MACROD2: variants seen among roughly 807,000 people sequenced by gnomAD.
MACROD2 encodes the protein mono-ADP ribosylhydrolase 2, also known as ADP-ribose glycohydrolase MACROD2.
MACROD2 carries 36 observed loss-of-function variants against 70.4 expected under a neutral mutation model. The observed-to-expected ratio is 0.51, with a 90% CI of 0.39 to 0.68. The LOEUF (loss-of-function observed/expected upper bound fraction) is 0.68, where lower values mean the gene tolerates loss of function less well. Ranked by LOEUF, MACROD2 falls within the 30% of genes least tolerant of loss-of-function variation. The probability of loss-of-function intolerance (pLI) is 0.00; values close to 1 mark genes in which losing one functional copy is unlikely to be tolerated. For missense variants in MACROD2, 496 were observed against 538.4 expected (o/e 0.92, Z 0.78); for synonymous variants, 172 against 178.8 (o/e 0.96, Z 0.30).
At chr20:15,556,089 C>T (rs2146596820) in intron 8 of MACROD2, among the ~76,000 whole-genome samples, 1 of 152,214 alleles carries the variant, frequency 6.6e-6, no homozygotes, top group East Asian at 1.9e-4. Flanking sequence ...CTCAGTAAAG[C>T]AGAGAGGCTT....
chr20:15,471,347 C>A (rs139197979), intron 7 of MACROD2, among the ~76,000 whole-genome samples: 1 of 152,304 alleles, frequency 6.6e-6, no homozygotes, highest in East Asian at 1.9e-4. Flanking sequence ...CTGCTCCACT[C>A]AAGGAATGGC....
chr20:14,632,342 A>C (rs1984559213), intron 4 of MACROD2, among the ~76,000 whole-genome samples: 1 of 152,222 alleles, frequency 6.6e-6, no homozygotes, highest in Admixed American at 6.5e-5. Flanking sequence ...TACAATATGA[A>C]AACCTGTTTT....
chr20:15,565,347 TG>T, intron 8 of MACROD2, among the ~76,000 whole-genome samples: 1 of 152,222 alleles, frequency 6.6e-6, no homozygotes, highest in East Asian at 1.9e-4. Flanking sequence ...TTTATAAACA[TG>T]GCTGTAACCA....
intron 8 of MACROD2, among the ~76,000 whole-genome samples, chr20:15,588,646 A>G (rs1297469052): frequency 6.6e-6 from 1 of 152,114 alleles, no homozygotes; most frequent in Non-Finnish European, 1.5e-5. Context: ...ATCTTTCTCA[A>G]GTTCAAAGTA....
chr20:14,437,781 T>C (rs1383706062), intron 3 of MACROD2, among the ~76,000 whole-genome samples: 2 of 152,194 alleles, frequency 1.3e-5, no homozygotes, highest in African/African-American at 4.8e-5. Flanking sequence ...ACATTTTCAG[T>C]AAAAATTGTT....
intron 3 of MACROD2, among the ~76,000 whole-genome samples, chr20:14,459,787 A>G (rs2084346562): frequency 6.6e-6 from 1 of 152,122 alleles, no homozygotes; most frequent in Non-Finnish European, 1.5e-5. Flanking sequence ...CAGGTTTGTT[A>G]CATAGGTATC....
chr20:14,701,681 T>G (rs1250299170), intron 5 of MACROD2, among the ~76,000 whole-genome samples: 1 of 152,172 alleles, frequency 6.6e-6, no homozygotes, highest in Admixed American at 6.5e-5. Context: ...CGTGCAATTT[T>G]CCCTTCGTAT....
At chr20:14,056,512 G>A (rs2148652602) in intron 2 of MACROD2, among the ~76,000 whole-genome samples, 1 of 151,848 alleles carries the variant, frequency 6.6e-6, no homozygotes, top group South Asian at 2.1e-4. Flanking sequence ...ACAGATTTGA[G>A]TAAATGCCAT....
chr20:15,343,732 C>T (rs2078134331), intron 6 of MACROD2, among the ~76,000 whole-genome samples: 1 of 152,144 alleles, frequency 6.6e-6, no homozygotes, highest in Non-Finnish European at 1.5e-5. Flanking sequence ...TTCATCCTTC[C>T]TAAAAGGACC....
intron 8 of MACROD2, among the ~76,000 whole-genome samples, chr20:15,842,047 G>A (rs913547855): frequency 6.6e-6 from 1 of 152,034 alleles, no homozygotes; most frequent in Non-Finnish European, 1.5e-5. Context: ...TAGACACTAT[G>A]GTCCCAAGAG....
intron 8 of MACROD2, among the ~76,000 whole-genome samples, chr20:15,859,757 C>T (rs78120691): frequency 0.033 from 3,087 of 94,872 alleles, 114 homozygotes; most frequent in African/African-American, 0.08. Flanking sequence ...ACCATCCCCG[C>T]GCTTTTTTTT....
In MACROD2 at chr20:14,326,982, C is replaced by G. The variant is rs753343154; in HGVS notation, c.272-166497C>G. The G allele has an allele frequency of 1.2e-6, 2 of 1,613,696 alleles. No homozygotes were observed. The highest frequency in any genetic ancestry group is 1.7e-6 in the Non-Finnish European group (2 of 1,179,766). ...CATCCAAGCGTAGTTCTTCTATAGT[C>G]CTGGGCAAACCCCAGGGAATTGTGC... is the stretch of plus-strand genomic sequence containing the variant. On this transcript the variant is annotated intron_variant, in intron 3 of 17. Coordinates refer to ENST00000684519, the MANE Select transcript of MACROD2 (RefSeq NM_001351661.2). The surrounding 1 kb of genome is among the most constrained non-coding windows in gnomAD (Gnocchi z 5.5).
intron 5 of MACROD2, among the ~76,000 whole-genome samples, chr20:15,101,838 A>C (rs1477586816): frequency 1.3e-5 from 2 of 152,036 alleles, no homozygotes; most frequent in Non-Finnish European, 2.9e-5. Context: ...TGATTATTTA[A>C]TATGAGGTTT....
At chr20:16,040,825 T>C (rs1278337007) in intron 15 of MACROD2, among the ~76,000 whole-genome samples, 1 of 152,032 alleles carries the variant, frequency 6.6e-6, no homozygotes, top group Non-Finnish European at 1.5e-5. Flanking sequence ...TTTCTCTTTT[T>C]CTTCTTCTAA....
intron 6 of MACROD2, among the ~76,000 whole-genome samples, chr20:15,257,767 A>T (rs147817137): frequency 6.6e-6 from 1 of 152,098 alleles, no homozygotes; most frequent in Non-Finnish European, 1.5e-5. Flanking sequence ...AATTTGCTAT[A>T]CTTCTTATCA....
intron 16 of MACROD2, among the ~76,000 whole-genome samples, chr20:16,044,027 G>T (rs1380546882): frequency 3.3e-5 from 5 of 152,066 alleles, no homozygotes; most frequent in East Asian, 1.9e-4. Flanking sequence ...TTGCTATAAA[G>T]AAATACCCAA....
chr20:15,606,891 A>C (rs1286152646), intron 8 of MACROD2, among the ~76,000 whole-genome samples: 1 of 151,700 alleles, frequency 6.6e-6, no homozygotes, highest in Non-Finnish European at 1.5e-5. Flanking sequence ...AATCCCAGCT[A>C]CTCGGGAGGC....
At chr20:15,236,531 G>A (rs899775828) in intron 6 of MACROD2, among the ~76,000 whole-genome samples, 2 of 152,166 alleles carry the variant, frequency 1.3e-5, no homozygotes, top group African/African-American at 4.8e-5. Context: ...CAGGCACTGT[G>A]TTTTAGTCAT....
In MACROD2 at chr20:14,112,355, C is replaced by T. The variant is rs553510098; in HGVS notation, c.271+26627C>T. ...AATTTAGTGGCACATTTTAAAATAACTAAGAGTATAATTTGATTTTTTGTA... is the reference window on the plus strand; with the variant it reads ...AATTTAGTGGCACATTTTAAAATAATTAAGAGTATAATTTGATTTTTTGTA... On this transcript the variant is annotated intron_variant, in intron 3 of 17. Transcript: ENST00000684519. Among the ~76,000 whole-genome samples, 22 of 152,038 alleles carry T rather than the reference C, an allele frequency of 1.4e-4. No homozygotes were observed. The East Asian group carries it at 3.5e-3, about 24-fold the overall frequency.
Sources: allele counts gnomAD v4.1 joint callset (sites outside exome capture counted in the v4.1 genomes callset), GRCh38; gene constraint gnomAD v4.1.1; non-coding constraint Gnocchi (gnomAD v3.1); transcripts MANE v1.5; gene names NCBI Gene and HGNC (gene_info 2026-07-23, HGNC 2026-07-21).